Variants in DCBLD2 observed in about 807,000 individuals in gnomAD.
DCBLD2 encodes discoidin, CUB and LCCL domain-containing protein 2.
A neutral mutation model predicts 86.8 loss-of-function variants in DCBLD2; 54 were observed. The observed-to-expected ratio is 0.62, with a 90% CI of 0.50 to 0.78. The LOEUF is 0.78. Among genes scored for constraint, DCBLD2 ranks in the 30% least tolerant of loss-of-function variants. The pLI is 0.00. For synonymous variants in DCBLD2, 354 were observed against 341.3 expected, an observed-to-expected ratio of 1.04 and a Z score of -0.41; for missense variants, 908 against 954.2, an observed-to-expected ratio of 0.95 and a Z score of 0.64.
intron 1 of DCBLD2, among the ~76,000 whole-genome samples, chr3:98,885,314 C>T (rs1254383305): frequency 6.6e-6 from 1 of 152,080 alleles, no homozygotes; most frequent in Non-Finnish European, 1.5e-5. Context: ...AAATATTTGA[C>T]AAGTTTAACC....
At chr3:98,886,834 T>C (rs1212491444) in intron 1 of DCBLD2, among the ~76,000 whole-genome samples, 8 of 142,800 alleles carry the variant, frequency 5.6e-5, no homozygotes, top group African/African-American at 2.0e-4. Flanking sequence ...TTACTACTTA[T>C]CCCTAGAAAA....
intron 1 of DCBLD2, among the ~76,000 whole-genome samples, chr3:98,896,247 A>C (rs907227799): frequency 6.6e-5 from 10 of 152,210 alleles, no homozygotes; most frequent in African/African-American, 2.4e-4. Context: ...GTTTATTTGA[A>C]TATCTGTATT....
In DCBLD2 at chr3:98,821,875, G is replaced by A. The variant is rs535097152; in HGVS notation, c.830+353C>T. On this transcript the variant is annotated intron_variant, in intron 6 of 15. Transcript: ENST00000326840. ...AGCCTGGCCAACATGGTGAAACCCC[G>A]CCTCTACTAAAAATACAAAAGTTAG... Among the ~76,000 whole-genome samples the A allele has an allele frequency of 7.2e-5, 11 of 152,072 alleles. No individual in the cohort carries two copies. The South Asian group carries it at 1.7e-3, about 23-fold the overall frequency.
At chr3:98,895,696 G>A (rs1559803548) in intron 1 of DCBLD2, among the ~76,000 whole-genome samples, 1 of 152,078 alleles carries the variant, frequency 6.6e-6, no homozygotes, top group Non-Finnish European at 1.5e-5. Flanking sequence ...GGCGTCTCCT[G>A]CTTCTCCAGG....
At chr3:98,809,733 C>A (rs1206930842) in intron 12 of DCBLD2, among the ~76,000 whole-genome samples, 4 of 152,088 alleles carry the variant, frequency 2.6e-5, no homozygotes, top group Non-Finnish European at 5.9e-5. Flanking sequence ...GCCACGGGCC[C>A]CACTGAGGGA....
chr3:98,857,319 C>A (rs574197366), intron 2 of DCBLD2, among the ~76,000 whole-genome samples: 3 of 152,220 alleles, frequency 2.0e-5, no homozygotes, highest in African/African-American at 7.2e-5. Context: ...TTGCAAAGAG[C>A]GAAAGAACAA....
chr3:98,806,439 C>T (rs1164563773), intron 13 of DCBLD2, among the ~76,000 whole-genome samples: 3 of 152,174 alleles, frequency 2.0e-5, no homozygotes, highest in African/African-American at 7.2e-5. Context: ...ACTCTCTCCT[C>T]TTTGGAATTT....
intron 1 of DCBLD2, among the ~76,000 whole-genome samples, chr3:98,886,351 A>C (rs1367702812): frequency 6.6e-6 from 1 of 152,044 alleles, no homozygotes; most frequent in Non-Finnish European, 1.5e-5. Context: ...AGCTTTGTAC[A>C]CTGGGAAGAA....
chr3:98,822,505 C>A, intron 5 of DCBLD2, 144 bp from the exon 6 acceptor site: 1 of 1,287,118 alleles, frequency 7.8e-7, no homozygotes, highest in Non-Finnish European at 1.1e-6. Flanking sequence ...GGTACTGTAA[C>A]ACAACAGTTT....
intron 2 of DCBLD2, among the ~76,000 whole-genome samples, chr3:98,876,279 C>A (rs1943366992): frequency 6.6e-6 from 1 of 151,558 alleles, no homozygotes. Context: ...CCCAGCTACT[C>A]AGGGGGCTGA....
chr3:98,870,743 A>AAGAAAGAAAG (rs1943254929), intron 2 of DCBLD2, among the ~76,000 whole-genome samples: 1 of 82,690 alleles, frequency 1.2e-5, no homozygotes, highest in African/African-American at 4.7e-5. Context: ...AAGAAAAAGA[A>AAGAAAGAAAG]AGAAAGAAAG....
intron 3 of DCBLD2, among the ~76,000 whole-genome samples, chr3:98,833,010 C>A (rs559374373): frequency 6.6e-6 from 1 of 152,284 alleles, no homozygotes; most frequent in African/African-American, 2.4e-5. Context: ...TAGATGATAT[C>A]CTGAAATATG....
intron 3 of DCBLD2, among the ~76,000 whole-genome samples, chr3:98,834,760 G>A (rs896917699): frequency 6.6e-6 from 1 of 152,128 alleles, no homozygotes; most frequent in African/African-American, 2.4e-5. Context: ...GATAAAGATG[G>A]GAGTGCAGAT....
intron 3 of DCBLD2, among the ~76,000 whole-genome samples, chr3:98,839,033 G>A (rs1303912701): frequency 6.6e-6 from 1 of 151,764 alleles, no homozygotes; most frequent in African/African-American, 2.4e-5. Flanking sequence ...GTCGGGAGAG[G>A]GAGAGGGAGA....
At chr3:98,843,764 G>A (rs947948363) in intron 3 of DCBLD2, among the ~76,000 whole-genome samples, 3 of 152,148 alleles carry the variant, frequency 2.0e-5, no homozygotes, top group Non-Finnish European at 2.9e-5. Context: ...TAAGTGCACT[G>A]TCATCAGATT....
chr3:98,844,484 CCT>C (rs1259265222), intron 3 of DCBLD2, among the ~76,000 whole-genome samples: 9 of 152,018 alleles, frequency 5.9e-5, no homozygotes, highest in African/African-American at 1.7e-4. Context: ...GCCTCAGCCC[CCT>C]GAGTAGCTGG....
intron 6 of DCBLD2, chr3:98,821,126 A>G (rs1280374886): frequency 6.6e-6 from 1 of 152,224 alleles, no homozygotes; most frequent in Admixed American, 6.5e-5. Context: ...AGCTGCAGCG[A>G]CATGTGGCCT....
intron 2 of DCBLD2, among the ~76,000 whole-genome samples, chr3:98,850,580 T>G (rs1411432510): frequency 2.0e-5 from 3 of 152,196 alleles, no homozygotes; most frequent in Non-Finnish European, 4.4e-5. Flanking sequence ...AAAACTGATT[T>G]TCTTATGTGC....
At position 98,819,376 on chromosome 3, in the gene DCBLD2, C is replaced by T. The variant is rs1942078074; in HGVS notation, c.913G>A (p.Asp305Asn). ...ACAGATGATGCTGTTATTTGAGGAT[C>T]CGCGATCACACCAGACTCCATCCCC... ...TLGMESGVIADPQITASSVLE... is the reference protein window; with the variant it reads ...TLGMESGVIANPQITASSVLE... The change falls in exon 8 of 16, where the codon GAT becomes AAT. Residue 305 changes from aspartate to asparagine, a missense_variant. Transcript: ENST00000326840. The T allele has an allele frequency of 6.2e-7, 1 of 1,613,638 alleles. No individual in the cohort carries two copies. The highest frequency in any genetic ancestry group is 1.3e-5 in the African/African-American group (1 of 74,902).
Sources: gnomAD v4.1 joint callset for allele counts (sites outside exome capture counted in the v4.1 genomes callset) on GRCh38, gnomAD v4.1.1 for gene constraint, MANE v1.5 for transcripts, NCBI Gene and HGNC (gene_info 2026-07-23, HGNC 2026-07-21) for gene names.